The following TM4SF4 variants were observed in gnomAD, a reference collection of about 807,000 sequenced individuals.
TM4SF4 encodes transmembrane 4 L6 family member 4.
A neutral mutation model predicts 24.1 loss-of-function variants in TM4SF4; 24 were observed. The ratio of observed to expected loss-of-function variants is 1.00; its 90% CI spans 0.72 to 1.40. TM4SF4 has a LOEUF of 1.40. TM4SF4 is among the 40% of genes most tolerant of loss of function. The probability of loss-of-function intolerance (pLI) is 0.00; values close to 1 mark genes in which losing one functional copy is unlikely to be tolerated. For synonymous variants in TM4SF4, 113 were observed against 97.0 expected, an observed-to-expected ratio of 1.17 and a Z score of -0.97; for missense variants, 254 against 254.2, an observed-to-expected ratio of 1.00 and a Z score of 0.01.
At chr3:149,482,211 A>G (rs1407726013) in intron 2 of TM4SF4, among the ~76,000 whole-genome samples, 2 of 63,716 alleles carry the variant, frequency 3.1e-5, no homozygotes, top group Admixed American at 3.0e-4. Flanking sequence ...AACTGGAATA[A>G]AAAAGATTAA....
At chr3:149,485,214 T>C (rs974576281) in intron 2 of TM4SF4, among the ~76,000 whole-genome samples, 2 of 152,248 alleles carry the variant, frequency 1.3e-5, no homozygotes, top group Non-Finnish European at 2.9e-5. Flanking sequence ...CAAATTCATG[T>C]TTCATAAGTA....
chr3:149,499,292 A>C (rs1319136935), intron 4 of TM4SF4, among the ~76,000 whole-genome samples: 2 of 152,222 alleles, frequency 1.3e-5, no homozygotes, highest in African/African-American at 4.8e-5. Flanking sequence ...GCGATAGTAC[A>C]TCACGGTCTG....
At chr3:149,495,543 G>A in intron 3 of TM4SF4, 1 of 391,928 alleles carries the variant, frequency 2.6e-6, no homozygotes, top group Non-Finnish European at 5.1e-6. Context: ...TGGGGAAAAT[G>A]TGGGCTTCAG....
At chr3:149,491,109 A>G (rs368659587) in intron 3 of TM4SF4, among the ~76,000 whole-genome samples, 1 of 151,926 alleles carries the variant, frequency 6.6e-6, no homozygotes. Context: ...CAAGAAGGTT[A>G]ATTTTCCCAG....
At chr3:149,489,030 A>G (rs1274555531) in intron 3 of TM4SF4, among the ~76,000 whole-genome samples, 2 of 152,224 alleles carry the variant, frequency 1.3e-5, no homozygotes, top group Non-Finnish European at 2.9e-5. Context: ...GACGTCCCAC[A>G]TGAAATATCC....
intron 3 of TM4SF4, among the ~76,000 whole-genome samples, chr3:149,497,070 A>G (rs1249551619): frequency 2.6e-5 from 4 of 152,236 alleles, no homozygotes; most frequent in Middle Eastern, 3.2e-3. Context: ...CATGAGGAAT[A>G]CATAGCTAGT....
intron 2 of TM4SF4, among the ~76,000 whole-genome samples, chr3:149,476,993 T>A (rs1733944860): frequency 6.6e-6 from 1 of 151,636 alleles, no homozygotes; most frequent in South Asian, 2.1e-4. Flanking sequence ...AGAGACAGAG[T>A]TTGGGCATGT....
chr3:149,488,222 C>T (rs1256775858), intron 3 of TM4SF4, among the ~76,000 whole-genome samples: 1 of 152,188 alleles, frequency 6.6e-6, no homozygotes, highest in Non-Finnish European at 1.5e-5. Flanking sequence ...CAGAAAATGA[C>T]ATTGAAATCA....
In TM4SF4 at chr3:149,474,831, G is replaced by C. The variant is rs1273732781; in HGVS notation, c.-47G>C. On this transcript the variant is annotated 5_prime_UTR_variant, in exon 1 of 5. Transcript: ENST00000305354. ...ACCCTTGAAGAGGCCCCGTGAAGGA[G>C]GCAGTGAGGAGCTTTTGATTGCTGA... The C allele has an allele frequency of 4.5e-6, 7 of 1,555,702 alleles. No homozygotes were observed. In the South Asian group the frequency reaches 7.3e-5, roughly 16 times the overall value.
intron 3 of TM4SF4, among the ~76,000 whole-genome samples, chr3:149,494,200 G>A (rs1003097491): frequency 1.3e-5 from 2 of 152,152 alleles, no homozygotes; most frequent in African/African-American, 2.4e-5. Flanking sequence ...CTCAAAGACT[G>A]CCAGAACCAG....
At chr3:149,497,216 CT>C (rs1734327050) in intron 3 of TM4SF4, among the ~76,000 whole-genome samples, 1 of 152,190 alleles carries the variant, frequency 6.6e-6, no homozygotes, top group Non-Finnish European at 1.5e-5. Flanking sequence ...ATGCTAAGCA[CT>C]GATCTAAGCA....
intron 2 of TM4SF4, among the ~76,000 whole-genome samples, chr3:149,486,047 C>T (rs1164950317): frequency 6.6e-6 from 1 of 152,108 alleles, no homozygotes; most frequent in East Asian, 1.9e-4. Flanking sequence ...ATCCAAAATA[C>T]ATTGATATAT....
At position 149,475,694 on chromosome 3, in the gene TM4SF4, C is replaced by G. The variant is rs1254765437; in HGVS notation, c.175-129C>G. On this transcript the variant is annotated intron_variant, in intron 1 of 4. Coordinates refer to ENST00000305354, the MANE Select transcript of TM4SF4 (RefSeq NM_004617.4). ...ACTCCATTACCCCTCCAGCCATGCT[C>G]TGTTACTTTGCCATTCCCTTTGGGC... 4.1e-6 allele frequency: 3 copies of G among 732,002 alleles called. No individual in the cohort carries two copies. The African/African-American group carries it at 5.2e-5, about 13-fold the overall frequency. The allele number at this position is 732,002 out of a possible 1,614,324, so 45.3% of individuals were successfully genotyped here.
At chr3:149,496,584 C>A (rs372341549) in intron 3 of TM4SF4, among the ~76,000 whole-genome samples, 1 of 152,190 alleles carries the variant, frequency 6.6e-6, no homozygotes, top group East Asian at 1.9e-4. Flanking sequence ...GCCTGACCAA[C>A]ATGGAGAAAC....
intron 3 of TM4SF4, chr3:149,495,985 C>T: frequency 3.7e-6 from 1 of 272,614 alleles, no homozygotes. Flanking sequence ...CCAAGTCTGC[C>T]CAGAAAGCTC....
At chr3:149,490,786 G>A (rs1576520632) in intron 3 of TM4SF4, among the ~76,000 whole-genome samples, 1 of 152,260 alleles carries the variant, frequency 6.6e-6, no homozygotes, top group Middle Eastern at 3.4e-3. Flanking sequence ...ATACACAGCT[G>A]CTCAGAGAGT....
Position 149,487,723 on chromosome 3 carries a change from C to T in TM4SF4, c.369C>T (p.Ala123=). 1 of 1,613,998 alleles carries T rather than the reference C, an allele frequency of 6.2e-7. No homozygotes were observed. Among genetic ancestry groups the T allele is most frequent in the Non-Finnish European group, 8.5e-7 (1 of 1,179,888 alleles). The change falls in exon 3 of 5, where the codon GCC becomes GCT. Residue 123 remains alanine (A), a synonymous_variant. Transcript: ENST00000305354. ...ACAAGGGTCCTAAATGCCTCATGGC[C>T]AATAGTACATGGGGCTACCCCTTCC... ...SINKGPKCLM[A]NSTWGYPFHD...
intron 3 of TM4SF4, chr3:149,494,702 C>T (rs1171790500): frequency 1.3e-5 from 2 of 152,404 alleles, no homozygotes; most frequent in African/African-American, 4.8e-5. Context: ...CGTTATTGGA[C>T]ACGTAGATTC....
chr3:149,485,567 A>G (rs141039352), intron 2 of TM4SF4, among the ~76,000 whole-genome samples: 4,824 of 152,304 alleles, frequency 0.032, 87 homozygotes, highest in Middle Eastern at 0.065. Flanking sequence ...AAAATGCCCT[A>G]TCTTCAAATA....
Sources: allele counts gnomAD v4.1 joint callset (sites outside exome capture counted in the v4.1 genomes callset), GRCh38; gene constraint gnomAD v4.1.1; transcripts MANE v1.5; gene names NCBI Gene and HGNC (gene_info 2026-07-23, HGNC 2026-07-21).